Variants in TCF12 observed in about 807,000 individuals in gnomAD.
The protein encoded by TCF12 is DNA-binding protein HTF4.
A neutral mutation model predicts 86.0 loss-of-function variants in TCF12; 45 were observed. The ratio of observed to expected loss-of-function variants is 0.52; its 90% CI spans 0.41 to 0.67. The LOEUF is 0.67. Among genes scored for constraint, TCF12 ranks in the 30% least tolerant of loss-of-function variants. The probability of loss-of-function intolerance (pLI) is 0.00; values close to 1 mark genes in which losing one functional copy is unlikely to be tolerated. For missense variants in TCF12, 881 were observed against 859.9 expected, an observed-to-expected ratio of 1.02 and a Z score of -0.31; for synonymous variants, 330 against 299.6, an observed-to-expected ratio of 1.10 and a Z score of -1.05.
chr15:57,175,085 T>C (rs1256675625), intron 6 of TCF12, among the ~76,000 whole-genome samples: 3 of 152,206 alleles, frequency 2.0e-5, no homozygotes, highest in African/African-American at 7.2e-5. Flanking sequence ...AGGACTGATA[T>C]ACAGGATATA....
At chr15:57,134,154 A>G (rs2052355175) in intron 5 of TCF12, among the ~76,000 whole-genome samples, 1 of 152,196 alleles carries the variant, frequency 6.6e-6, no homozygotes, top group Non-Finnish European at 1.5e-5. Flanking sequence ...GTCTTGTTTG[A>G]TATTTCTTAA....
At chr15:57,056,116 GGTGT>G (rs137934114) in intron 3 of TCF12, among the ~76,000 whole-genome samples, 46,570 of 143,170 alleles carry the variant, frequency 0.33, 9,100 homozygotes, top group Non-Finnish European at 0.44. Context: ...TAGTTTTAGG[GGTGT>G]GTGTGTGTGT....
intron 6 of TCF12, among the ~76,000 whole-genome samples, chr15:57,191,075 A>G (rs2056954409): frequency 6.6e-6 from 1 of 152,196 alleles, no homozygotes; most frequent in Non-Finnish European, 1.5e-5. Flanking sequence ...TTAACCCCTT[A>G]ATGCGAGCTA....
chr15:57,013,053 T>C lies in TCF12; in HGVS notation c.149-50697T>C, dbSNP rs552504638. 4.6e-5 allele frequency among the ~76,000 whole-genome samples: 7 copies of C among 152,178 alleles called. No homozygotes were observed. The East Asian group carries it at 1.4e-3, about 29-fold the overall frequency. On this transcript the variant is annotated intron_variant, in intron 3 of 20. Coordinates refer to ENST00000333725, the MANE Select transcript of TCF12 (RefSeq NM_207037.2). ...ACCGCAGATTTTTTTTTTTTATGTG[T>C]GTGAAACTGTATGATAGTATGGTAT...
chr15:57,007,857 CCTT>C (rs1567242348), intron 3 of TCF12, among the ~76,000 whole-genome samples: 47 of 7,952 alleles, frequency 5.9e-3, no homozygotes, highest in East Asian at 0.024. Context: ...TCCCTCCCTT[CCTT>C]CCTTCCTTCC....
intron 5 of TCF12, among the ~76,000 whole-genome samples, chr15:57,129,411 G>A (rs1567480446): frequency 6.6e-6 from 1 of 152,112 alleles, no homozygotes; most frequent in Admixed American, 6.6e-5. Flanking sequence ...AATTATCCAG[G>A]TTTAGTGGCA....
rs2058620432 is a variant in TCF12, at chr15:57,221,990, TCTTCA to T, written c.580-9158_580-9154del. Among the ~76,000 whole-genome samples, 4 of 152,170 alleles carry T rather than the reference TCTTCA, an allele frequency of 2.6e-5. No individual in the cohort carries two copies. The South Asian group carries it at 8.3e-4, about 31-fold the overall frequency. ...TCTAGACTCTTAAGTGAAATATATG[TCTTCA>T]CTTAAGTTATAGAAGTTTAATATAC... On this transcript the variant is annotated intron_variant, in intron 8 of 20. Coordinates refer to ENST00000333725, the MANE Select transcript of TCF12 (RefSeq NM_207037.2).
chr15:57,224,931 C>T (rs1159423458), intron 8 of TCF12, among the ~76,000 whole-genome samples: 2 of 151,976 alleles, frequency 1.3e-5, no homozygotes, highest in African/African-American at 2.4e-5. Flanking sequence ...TTGAAATTAC[C>T]ATTAAAAACT....
At position 57,223,643 on chromosome 15, in the gene TCF12, G is replaced by GTTTTTTTTTTTTTTTTTTTTTTTTT. The variant is rs550493641; in HGVS notation, c.580-7505_580-7481dup. 2.0e-4 allele frequency among the ~76,000 whole-genome samples: 14 copies of GTTTTTTTTTTTTTTTTTTTTTTTTT among 69,690 alleles called. 2 individuals carry two copies. Among genetic ancestry groups the GTTTTTTTTTTTTTTTTTTTTTTTTT allele is most frequent in the East Asian group, 1.0e-3 (2 of 1,994 alleles). The allele number at this position is 69,690 out of a possible 152,430, so 45.7% of individuals were successfully genotyped here. A position where few individuals can be genotyped will look rare whatever the true frequency, so the allele number is the denominator to read the frequency against. On this transcript the variant is annotated intron_variant, in intron 8 of 20. Coordinates refer to ENST00000333725, the MANE Select transcript of TCF12 (RefSeq NM_207037.2). Reference sequence around the variant, plus strand: ...GTTTTGGCACCTGCCTACCAATGAGGTTTTTTTTTTTTTTTTTTTTTTTTT... The same window carrying GTTTTTTTTTTTTTTTTTTTTTTTTT: ...GTTTTGGCACCTGCCTACCAATGAGGTTTTTTTTTTTTTTTTTTTTTTTTTTTTTTTTTTTTTTTTTTTTTTTTTT...
intron 3 of TCF12, among the ~76,000 whole-genome samples, chr15:57,018,710 G>T (rs1200910213): frequency 1.3e-5 from 2 of 152,060 alleles, no homozygotes; most frequent in Admixed American, 1.3e-4. Flanking sequence ...CAAAGGGCTA[G>T]GATTACAGGC....
intron 6 of TCF12, among the ~76,000 whole-genome samples, chr15:57,167,575 AAAGGAGGG>A (rs1364236924): frequency 6.6e-6 from 1 of 151,990 alleles, no homozygotes; most frequent in Admixed American, 6.6e-5. Flanking sequence ...AGAGAGAGAG[AAAGGAGGG>A]AAGGAGGGAA....
chr15:56,968,956 C>T (rs1249779186), intron 3 of TCF12, among the ~76,000 whole-genome samples: 2 of 152,140 alleles, frequency 1.3e-5, no homozygotes, highest in Non-Finnish European at 2.9e-5. Flanking sequence ...CTTTTGAGTC[C>T]TTGGTTAGCC....
intron 3 of TCF12, among the ~76,000 whole-genome samples, chr15:57,022,454 T>A (rs1183496029): frequency 6.6e-6 from 1 of 152,218 alleles, no homozygotes; most frequent in Non-Finnish European, 1.5e-5. Context: ...ATTTTCTTAA[T>A]CTAGTCTATC....
intron 4 of TCF12, among the ~76,000 whole-genome samples, chr15:57,074,034 G>A (rs1433605770): frequency 6.6e-6 from 1 of 152,164 alleles, no homozygotes; most frequent in African/African-American, 2.4e-5. Flanking sequence ...ACAGGCATGA[G>A]CCACCACGCC....
chr15:57,104,795 A>G (rs921770916), intron 5 of TCF12, among the ~76,000 whole-genome samples: 6 of 146,264 alleles, frequency 4.1e-5, no homozygotes, highest in Non-Finnish European at 7.5e-5. Flanking sequence ...TTCTCCTTTG[A>G]GCAGGATTTA....
intron 3 of TCF12, among the ~76,000 whole-genome samples, chr15:57,030,508 A>G (rs1387903149): frequency 6.6e-6 from 1 of 152,228 alleles, no homozygotes; most frequent in Admixed American, 6.5e-5. Flanking sequence ...CTGGGATTAT[A>G]GGAAAGAGCC....
chr15:57,076,376 G>A (rs1468898929), intron 4 of TCF12, among the ~76,000 whole-genome samples: 1 of 152,012 alleles, frequency 6.6e-6, no homozygotes, highest in African/African-American at 2.4e-5. Context: ...GAATAGAATA[G>A]GCCGGGCACG....
At chr15:56,965,382 A>G (rs1207106474) in intron 3 of TCF12, among the ~76,000 whole-genome samples, 1 of 152,182 alleles carries the variant, frequency 6.6e-6, no homozygotes, top group African/African-American at 2.4e-5. Flanking sequence ...CTGTATGCAA[A>G]TGCAAAATAC....
chr15:56,919,518 T>G, intron 1 of TCF12: 2 of 166,408 alleles, frequency 1.2e-5, no homozygotes, highest in Non-Finnish European at 1.3e-5. Context: ...GGACGCCGAA[T>G]TGCCCCTCAC....
Sources: gnomAD v4.1 joint callset for allele counts (sites outside exome capture counted in the v4.1 genomes callset) on GRCh38, gnomAD v4.1.1 for gene constraint, MANE v1.5 for transcripts, NCBI Gene and HGNC (gene_info 2026-07-23, HGNC 2026-07-21) for gene names.